The following PCDHA4 variants were observed in gnomAD, a reference collection of about 807,000 sequenced individuals.
The protein encoded by PCDHA4 is protocadherin alpha-4.
Under a neutral mutation model 61.4 loss-of-function variants are expected in PCDHA4, and 49 were observed. The ratio of observed to expected loss-of-function variants is 0.80; its 90% CI spans 0.63 to 1.01. PCDHA4 has a LOEUF of 1.01. Ranked by LOEUF, PCDHA4 falls within the 50% of genes least tolerant of loss-of-function variation. The pLI, the probability that PCDHA4 is intolerant of heterozygous loss-of-function variation, is 0.00. For synonymous variants in PCDHA4, 590 were observed against 550.3 expected (o/e 1.07, Z -1.01); for missense variants, 1,254 against 1,235.8 (o/e 1.01, Z -0.22).
intron 1 of PCDHA4, among the ~76,000 whole-genome samples, chr5:140,932,231 A>G (rs2088135026): frequency 6.6e-6 from 1 of 151,848 alleles, no homozygotes; most frequent in African/African-American, 2.4e-5. Context: ...AATTTTTTAG[A>G]ATGGTATCTA....
At chr5:140,922,548 G>T (rs2080883425) in intron 1 of PCDHA4, among the ~76,000 whole-genome samples, 2 of 152,172 alleles carry the variant, frequency 1.3e-5, no homozygotes, top group Non-Finnish European at 2.9e-5. Flanking sequence ...GCAAGGTAAG[G>T]AGAAAAGTCA....
At chr5:140,838,340 T>G (rs1451086818) in intron 1 of PCDHA4, among the ~76,000 whole-genome samples, 1 of 149,952 alleles carries the variant, frequency 6.7e-6, no homozygotes, top group Non-Finnish European at 1.5e-5. Context: ...CCCCGGCTGG[T>G]CTCGAAATCT....
Position 140,807,467 on chromosome 5 carries a change from G to T in PCDHA4, c.280G>T (p.Glu94Ter). 1.2e-6 allele frequency: 2 copies of T among 1,612,686 alleles called. No individual in the cohort carries two copies. The highest frequency in any genetic ancestry group is 1.7e-6 in the Non-Finnish European group (2 of 1,179,582). Residue 94 changes from glutamate (E) to a stop codon, truncating the protein, a stop_gained, in exon 1 of 4, where the codon GAG (glutamate) becomes TAG (stop). Transcript: ENST00000530339. LOFTEE classifies it high-confidence loss of function. ...TGTGAATTCTCGGATCGACCGGGAG[G>T]AGCTGTGCCGGCGGAGCGCGGAGTG... ...LFVNSRIDRE[E>*]LCRRSAECSI...
chr5:140,974,751 G>A (rs530548991), intron 1 of PCDHA4, among the ~76,000 whole-genome samples: 11 of 152,284 alleles, frequency 7.2e-5, no homozygotes, highest in African/African-American at 2.4e-4. Flanking sequence ...GCCTCCCAAA[G>A]TGCTGGGATT....
At chr5:140,998,196 C>T (rs960565673) in intron 3 of PCDHA4, among the ~76,000 whole-genome samples, 2 of 152,164 alleles carry the variant, frequency 1.3e-5, no homozygotes, top group African/African-American at 4.8e-5. Flanking sequence ...CAAGTATTAA[C>T]TCCTTTAATC....
At chr5:140,990,097 T>C (rs2097373826) in intron 3 of PCDHA4, among the ~76,000 whole-genome samples, 1 of 151,922 alleles carries the variant, frequency 6.6e-6, no homozygotes, top group African/African-American at 2.4e-5. Flanking sequence ...GTGCTACTAT[T>C]GAAACAGGAA....
intron 1 of PCDHA4, chr5:140,842,095 A>G: frequency 6.2e-7 from 1 of 1,613,924 alleles, no homozygotes; most frequent in Non-Finnish European, 8.5e-7. Flanking sequence ...CAGACAACGG[A>G]ACAACAGTTA....
chr5:141,002,195 A>G (rs2098065094), intron 3 of PCDHA4, among the ~76,000 whole-genome samples: 1 of 152,244 alleles, frequency 6.6e-6, no homozygotes, highest in South Asian at 2.1e-4. Flanking sequence ...CTGGCAAGAT[A>G]GTCCCCGGCT....
chr5:140,988,038 T>C (rs1045669411), intron 3 of PCDHA4, among the ~76,000 whole-genome samples: 1 of 152,212 alleles, frequency 6.6e-6, no homozygotes, highest in African/African-American at 2.4e-5. Flanking sequence ...TTTTAGAATC[T>C]GTTTAGGAGC....
At chr5:140,916,603 G>A (rs782815026) in intron 1 of PCDHA4, among the ~76,000 whole-genome samples, 4 of 152,152 alleles carry the variant, frequency 2.6e-5, no homozygotes, top group South Asian at 2.1e-4. Flanking sequence ...CCTGGAATGC[G>A]GGCCTCATGA....
At chr5:140,860,138 T>C (rs2046209991) in intron 1 of PCDHA4, 2 of 150,752 alleles carry the variant, frequency 1.3e-5, no homozygotes, top group Admixed American at 1.3e-4. Flanking sequence ...TGTGTGTATA[T>C]ATATGTATAT....
chr5:140,846,341 G>GCTTTCTCT lies in PCDHA4; in HGVS notation c.2385+36770_2385+36777dup, dbSNP rs1176165668. On this transcript the variant is annotated intron_variant, in intron 1 of 3. Coordinates refer to ENST00000530339, the MANE Select transcript of PCDHA4 (RefSeq NM_018907.4). ...AGTGTTGTAAATAGCCTTTTAAAGTGCTTTCTCTTTTTTCTTTTCTTTTCT... is the reference window on the plus strand; with the variant it reads ...AGTGTTGTAAATAGCCTTTTAAAGTGCTTTCTCTCTTTCTCTTTTTTCTTTTCTTTTCT... Among the ~76,000 whole-genome samples, 20 of 144,650 alleles carry GCTTTCTCT rather than the reference G, an allele frequency of 1.4e-4. 2 individuals carry two copies. Among genetic ancestry groups the GCTTTCTCT allele is most frequent in the Non-Finnish European group, 1.5e-5 (1 of 64,996 alleles). 94.9% of individuals were successfully genotyped at this position (144,650 alleles called of 152,430 possible). A position where few individuals can be genotyped will look rare whatever the true frequency, so the allele number is the denominator to read the frequency against.
intron 1 of PCDHA4, chr5:140,853,549 T>C: frequency 1.0e-6 from 1 of 979,350 alleles, no homozygotes; most frequent in South Asian, 4.8e-5. Flanking sequence ...TTGTAATTAC[T>C]ATATAGGAAA....
rs70988781 is a variant in PCDHA4 at position 140,941,319 on chromosome 5, CTT to C, written c.2386-37616_2386-37615del. Among the ~76,000 whole-genome samples, 109 of 104,374 alleles carry C rather than the reference CTT, an allele frequency of 1.0e-3. 2 individuals are homozygous for C. Among genetic ancestry groups the C allele is most frequent in the East Asian group, 2.8e-3 (11 of 3,932 alleles). The allele number at this position is 104,374 out of a possible 152,430, so 68.5% of individuals were successfully genotyped here. A position where few individuals can be genotyped will look rare whatever the true frequency, so the allele number is the denominator to read the frequency against. ...TTCTTTCTTTCTTTTTCTTCTTTCT[CTT>C]TTTTTTTTTTTTTCAGATGGAGTCT... On this transcript the variant is annotated intron_variant, in intron 1 of 3. Coordinates refer to ENST00000530339, the MANE Select transcript of PCDHA4 (RefSeq NM_018907.4).
chr5:140,941,286 CTCTT>C (rs5871754), intron 1 of PCDHA4, among the ~76,000 whole-genome samples: 36,780 of 106,460 alleles, frequency 0.35, 6,423 homozygotes, highest in East Asian at 0.56. Flanking sequence ...TCCTTCCTTT[CTCTT>C]TCTTTCTTTC....
At chr5:140,828,286 G>T (rs1479873419) in intron 1 of PCDHA4, 1 of 1,614,136 alleles carries the variant, frequency 6.2e-7, no homozygotes, top group Admixed American at 1.7e-5. Context: ...GCCTGTTCAG[G>T]ATGGCCTCCA....
intron 3 of PCDHA4, among the ~76,000 whole-genome samples, chr5:141,000,885 G>C (rs1213239926): frequency 6.6e-6 from 1 of 151,922 alleles, no homozygotes; most frequent in African/African-American, 2.4e-5. Context: ...TCCAACCTGG[G>C]CAACAGATAT....
intron 1 of PCDHA4, chr5:140,883,965 T>C: frequency 6.2e-7 from 1 of 1,613,128 alleles, no homozygotes; most frequent in Non-Finnish European, 8.5e-7. Flanking sequence ...CCGGCGCTGC[T>C]GACGCCCGGG....
Position 140,842,808 on chromosome 5 carries a change from A to G in PCDHA4, c.2385+33236A>G. 1.3e-6 allele frequency: 2 copies of G among 1,594,086 alleles called. No individual in the cohort carries two copies. Among genetic ancestry groups the G allele is most frequent in the Non-Finnish European group, 1.7e-6 (2 of 1,165,358 alleles). ...GCGCTGGTGTCCTACTCGCTTGTGG[A>G]GCGGCGGGTGGGCGAGCGCTCGCTG... On this transcript the variant is annotated intron_variant, in intron 1 of 3. Coordinates refer to ENST00000530339, the MANE Select transcript of PCDHA4 (RefSeq NM_018907.4).
Sources: gnomAD v4.1 joint callset for allele counts (sites outside exome capture counted in the v4.1 genomes callset) on GRCh38, gnomAD v4.1.1 for gene constraint, MANE v1.5 for transcripts, NCBI Gene and HGNC (gene_info 2026-07-23, HGNC 2026-07-21) for gene names.